MTUS2: variants seen among roughly 807,000 people sequenced by gnomAD.
The protein encoded by MTUS2 is microtubule-associated tumor suppressor candidate 2.
In MTUS2, 40 loss-of-function variants were observed where a neutral mutation model predicts 114.1. The ratio of observed to expected loss-of-function variants is 0.35; its 90% CI spans 0.27 to 0.46. The LOEUF is 0.46. Ranked by LOEUF, MTUS2 falls within the 20% of genes least tolerant of loss-of-function variation. The pLI, the probability that MTUS2 is intolerant of heterozygous loss-of-function variation, is 1.00. For missense variants in MTUS2, 1,679 were observed against 1,705.4 expected, an observed-to-expected ratio of 0.98 and a Z score of 0.27; for synonymous variants, 688 against 672.0, an observed-to-expected ratio of 1.02 and a Z score of -0.37.
chr13:28,892,628 T>G (rs1264180616), intron 2 of MTUS2, among the ~76,000 whole-genome samples: 1 of 152,224 alleles, frequency 6.6e-6, no homozygotes, highest in Non-Finnish European at 1.5e-5. Flanking sequence ...TGGGGTTGGA[T>G]GAGAGGTTAT....
intron 5 of MTUS2, among the ~76,000 whole-genome samples, chr13:29,191,259 C>T (rs1894437133): frequency 6.6e-6 from 1 of 152,082 alleles, no homozygotes; most frequent in South Asian, 2.1e-4. Context: ...ATTTCAGTCT[C>T]TTAGTGGCTT....
chr13:29,253,952 C>A (rs569439203), intron 5 of MTUS2, among the ~76,000 whole-genome samples: 1 of 152,284 alleles, frequency 6.6e-6, no homozygotes, highest in Admixed American at 6.5e-5. Context: ...AATTACCTCC[C>A]ACTGAGTCCC....
chr13:29,418,551 G>T (rs913964367), intron 8 of MTUS2, among the ~76,000 whole-genome samples: 1 of 152,162 alleles, frequency 6.6e-6, no homozygotes, highest in Non-Finnish European at 1.5e-5. Flanking sequence ...GCATAAGTTA[G>T]ATTATTCAGA....
chr13:29,054,286 T>A (rs2138616505), intron 4 of MTUS2, among the ~76,000 whole-genome samples: 1 of 152,328 alleles, frequency 6.6e-6, no homozygotes, highest in Middle Eastern at 3.4e-3. Context: ...ATTATTTAGC[T>A]GTAAGGGATA....
intron 5 of MTUS2, among the ~76,000 whole-genome samples, chr13:29,199,330 C>T (rs1442363003): frequency 7.9e-5 from 12 of 152,176 alleles, no homozygotes; most frequent in Admixed American, 7.9e-4. Flanking sequence ...GTGGGTTTAT[C>T]ATAAATAGCT....
rs112577280 is a variant in MTUS2 at position 28,898,250 on chromosome 13, G to A, written c.-243+58400G>A. 6.3e-3 allele frequency among the ~76,000 whole-genome samples: 962 copies of A among 152,284 alleles called. 4 individuals carry two copies. The highest frequency in any genetic ancestry group is 0.011 in the Non-Finnish European group (718 of 68,036). ...AGCACAGAACCCTTCCAAATCATGG[G>A]GTAGCATGGCATGGTTTAAAGGCTG... On this transcript the variant is annotated intron_variant, in intron 2 of 15. Coordinates refer to ENST00000612955, the MANE Select transcript of MTUS2 (RefSeq NM_001033602.4).
intron 2 of MTUS2, among the ~76,000 whole-genome samples, chr13:28,969,563 C>T (rs977022106): frequency 6.6e-5 from 10 of 152,074 alleles, no homozygotes; most frequent in South Asian, 2.1e-4. Context: ...AGTGCAGTGG[C>T]GCGATCTTGA....
At chr13:29,326,779 G>A (rs201923271) in intron 7 of MTUS2, among the ~76,000 whole-genome samples, 4 of 152,110 alleles carry the variant, frequency 2.6e-5, no homozygotes, top group East Asian at 3.9e-4. Flanking sequence ...TCAGGAGTTC[G>A]ACACCAGCCT....
chr13:29,224,263 C>G (rs1450865139), intron 5 of MTUS2, among the ~76,000 whole-genome samples: 1 of 152,160 alleles, frequency 6.6e-6, no homozygotes. Flanking sequence ...AGTACCTTGG[C>G]AATATATTGT....
intron 5 of MTUS2, among the ~76,000 whole-genome samples, chr13:29,250,959 T>G (rs1897104239): frequency 6.6e-6 from 1 of 152,192 alleles, no homozygotes; most frequent in Non-Finnish European, 1.5e-5. Context: ...CTGATACTGC[T>G]GTTGGGAACA....
intron 4 of MTUS2, among the ~76,000 whole-genome samples, chr13:29,045,847 C>A (rs1469539631): frequency 6.6e-6 from 1 of 152,164 alleles, no homozygotes; most frequent in Non-Finnish European, 1.5e-5. Context: ...CTCTCCCCTC[C>A]TGGGCTGTAA....
intron 1 of MTUS2, among the ~76,000 whole-genome samples, chr13:28,831,748 C>T (rs993098559): frequency 7.0e-6 from 1 of 143,742 alleles, no homozygotes; most frequent in Non-Finnish European, 1.5e-5. Flanking sequence ...TTCCTTCCTT[C>T]CTTTTTTATT....
intron 9 of MTUS2, among the ~76,000 whole-genome samples, 195 bp downstream of exon 9, chr13:29,440,244 T>C (rs768102063): frequency 6.6e-6 from 1 of 152,202 alleles, no homozygotes; most frequent in Non-Finnish European, 1.5e-5. Flanking sequence ...TCCGTTGTTA[T>C]AAAGACAGCT....
intron 9 of MTUS2, among the ~76,000 whole-genome samples, chr13:29,457,822 G>T (rs1879227017): frequency 6.6e-6 from 1 of 151,962 alleles, no homozygotes; most frequent in Non-Finnish European, 1.5e-5. Context: ...TAATTTTCTT[G>T]TTGTTGTTTT....
chr13:29,142,498 G>C (rs1593522582), intron 5 of MTUS2, among the ~76,000 whole-genome samples: 1 of 152,138 alleles, frequency 6.6e-6, no homozygotes, highest in East Asian at 1.9e-4. Flanking sequence ...GAGGTCAGGA[G>C]TTTGAGACCA....
At chr13:29,178,328 T>C (rs1195266067) in intron 5 of MTUS2, among the ~76,000 whole-genome samples, 8 of 152,216 alleles carry the variant, frequency 5.3e-5, no homozygotes, top group Non-Finnish European at 8.8e-5. Context: ...CCCATTGCTT[T>C]TTTTTTCTCC....
At chr13:29,267,364 T>C (rs1417304212) in intron 5 of MTUS2, among the ~76,000 whole-genome samples, 2 of 152,166 alleles carry the variant, frequency 1.3e-5, no homozygotes, top group Non-Finnish European at 2.9e-5. Flanking sequence ...CACCCTTGAG[T>C]GCCTTCTCTA....
chr13:29,121,956 G>A (rs1472494162), intron 5 of MTUS2, among the ~76,000 whole-genome samples: 1 of 151,960 alleles, frequency 6.6e-6, no homozygotes, highest in Admixed American at 6.6e-5. Flanking sequence ...CACCACACCC[G>A]GCCCACTTTT....
At chr13:28,880,934 G>A (rs1878247774) in intron 2 of MTUS2, among the ~76,000 whole-genome samples, 1 of 152,034 alleles carries the variant, frequency 6.6e-6, no homozygotes, top group African/African-American at 2.4e-5. Context: ...GTAAATATGA[G>A]GTGTTTATGG....
Sources: gnomAD v4.1 joint callset for allele counts (sites outside exome capture counted in the v4.1 genomes callset) on GRCh38, gnomAD v4.1.1 for gene constraint, MANE v1.5 for transcripts, NCBI Gene and HGNC (gene_info 2026-07-23, HGNC 2026-07-21) for gene names.